MECOM: variants seen among roughly 807,000 people sequenced by gnomAD.
MECOM encodes the protein histone-lysine N-methyltransferase MECOM.
In MECOM, 13 loss-of-function variants were observed where a neutral mutation model predicts 116.3. The observed-to-expected ratio is 0.11, with a 90% confidence interval of 0.07 to 0.18. MECOM has a LOEUF of 0.18. Ranked by LOEUF, MECOM falls within the 10% of genes least tolerant of loss-of-function variation. The pLI is 1.00. For missense variants in MECOM, 1,299 were observed against 1,509.0 expected, an observed-to-expected ratio of 0.86 and a Z score of 2.31; for synonymous variants, 528 against 535.2, an observed-to-expected ratio of 0.99 and a Z score of 0.19.
At chr3:169,522,528 A>T (rs1420692301) in intron 1 of MECOM, among the ~76,000 whole-genome samples, 1 of 152,198 alleles carries the variant, frequency 6.6e-6, no homozygotes, top group African/African-American at 2.4e-5. Flanking sequence ...CTTAAGAGCC[A>T]ATGTATGATA....
At chr3:169,635,411 C>T (rs1318427350) in intron 1 of MECOM, among the ~76,000 whole-genome samples, 1 of 152,138 alleles carries the variant, frequency 6.6e-6, no homozygotes, top group Non-Finnish European at 1.5e-5. Flanking sequence ...TGTAGCATTC[C>T]AGGTTGGAAC....
intron 1 of MECOM, among the ~76,000 whole-genome samples, chr3:169,635,520 C>T (rs1434206161): frequency 6.6e-6 from 1 of 152,224 alleles, no homozygotes; most frequent in African/African-American, 2.4e-5. Flanking sequence ...ATTTCCTGGA[C>T]ATATCTCATA....
intron 2 of MECOM, among the ~76,000 whole-genome samples, chr3:169,343,023 T>C (rs1724800587): frequency 2.0e-5 from 3 of 152,124 alleles, no homozygotes; most frequent in African/African-American, 7.2e-5. Flanking sequence ...GAGATTACAA[T>C]GCTTGTCATA....
chr3:169,383,721 G>A (rs1334120709), intron 1 of MECOM, among the ~76,000 whole-genome samples: 1 of 152,162 alleles, frequency 6.6e-6, no homozygotes, highest in African/African-American at 2.4e-5. Flanking sequence ...AATCTCCAGT[G>A]TCTGCAGGTA....
At chr3:169,088,876 G>A (rs1248289523) in intron 16 of MECOM, 124 bp downstream of exon 16, 2 of 802,520 alleles carry the variant, frequency 2.5e-6, no homozygotes, top group Non-Finnish European at 3.6e-6. Context: ...TTTTAGAAAG[G>A]CATCTGACCC....
At chr3:169,532,664 A>G (rs979669265) in intron 1 of MECOM, among the ~76,000 whole-genome samples, 3 of 152,324 alleles carry the variant, frequency 2.0e-5, no homozygotes, top group East Asian at 1.9e-4. Context: ...GAAATCCAGC[A>G]TGAATCTAAT....
chr3:169,607,160 G>A (rs1211401396), intron 1 of MECOM, among the ~76,000 whole-genome samples: 1 of 152,224 alleles, frequency 6.6e-6, no homozygotes, highest in Admixed American at 6.5e-5. Flanking sequence ...CACACTTGAA[G>A]CTGTTAATAA....
intron 2 of MECOM, among the ~76,000 whole-genome samples, chr3:169,378,501 G>A (rs1458750496): frequency 1.8e-4 from 5 of 27,686 alleles, no homozygotes; most frequent in Middle Eastern, 0.016. Flanking sequence ...AAGAAAGAAA[G>A]AAAGAAAGAA....
chr3:169,145,009 GA>G (rs1258943464), intron 2 of MECOM: 2 of 1,560,228 alleles, frequency 1.3e-6, no homozygotes, highest in East Asian at 4.7e-5. Flanking sequence ...TATACTTCAA[GA>G]AAAACCCAGT....
intron 2 of MECOM, among the ~76,000 whole-genome samples, chr3:169,228,143 G>A (rs964309731): frequency 6.6e-6 from 1 of 152,178 alleles, no homozygotes; most frequent in Admixed American, 6.5e-5. Flanking sequence ...AGTTTCTGTG[G>A]TTTATACTGA....
rs924579561 is a variant in MECOM at position 169,410,101 on chromosome 3, A to G, written c.38-28577T>C. 7.9e-5 allele frequency among the ~76,000 whole-genome samples: 12 copies of G among 152,336 alleles called. 1 individual carries two copies. The highest frequency in any genetic ancestry group is 5.8e-4 in the East Asian group (3 of 5,190). On this transcript the variant is annotated intron_variant, in intron 1 of 16. Transcript: ENST00000651503. ...TTTTTCACGTTTATTTTCCATGCAC[A>G]TAAAGACACACCACTCTGCCATCAA... is the stretch of plus-strand genomic sequence containing the variant.
intron 5 of MECOM, among the ~76,000 whole-genome samples, chr3:169,125,637 C>CA (rs1478462237): frequency 6.6e-6 from 1 of 151,964 alleles, no homozygotes; most frequent in East Asian, 1.9e-4. Context: ...ATAAAAAGCA[C>CA]AAAAAAGCAA....
At chr3:169,443,945 C>G (rs1230041815) in intron 1 of MECOM, among the ~76,000 whole-genome samples, 1 of 152,204 alleles carries the variant, frequency 6.6e-6, no homozygotes, top group Admixed American at 6.5e-5. Flanking sequence ...CACATCAAAT[C>G]CCACTAAATA....
intron 2 of MECOM, among the ~76,000 whole-genome samples, chr3:169,148,746 C>T (rs1486812063): frequency 6.6e-6 from 1 of 151,908 alleles, no homozygotes; most frequent in Non-Finnish European, 1.5e-5. Context: ...ACGTGTAAAT[C>T]CAGTAGAACT....
chr3:169,268,674 G>A (rs1329033104), intron 2 of MECOM, among the ~76,000 whole-genome samples: 1 of 152,186 alleles, frequency 6.6e-6, no homozygotes, highest in Non-Finnish European at 1.5e-5. Context: ...GCACTCAACA[G>A]ATTTATGAAT....
intron 1 of MECOM, among the ~76,000 whole-genome samples, chr3:169,423,699 A>AC (rs1243802288): frequency 9.2e-5 from 14 of 151,998 alleles, no homozygotes; most frequent in African/African-American, 3.4e-4. Context: ...CCAAATATTA[A>AC]CTCCATCCCA....
rs562893677 is a variant in MECOM at position 169,090,140 on chromosome 3, T to A, written c.3261A>T (p.Leu1087Phe). 1.2e-6 allele frequency: 2 copies of A among 1,613,550 alleles called. No individual in the cohort carries two copies. Among genetic ancestry groups the A allele is most frequent in the South Asian group, 2.2e-5 (2 of 91,054 alleles). ...TATCATTGTCTTCATCCTCCTCATCTAACAACACCTCATCTTCAACTTCTT... is the reference window on the plus strand; with the variant it reads ...TATCATTGTCTTCATCCTCCTCATCAAACAACACCTCATCTTCAACTTCTT... ...DDEEVEDEVL[L>F]DEEDEDNDIT... Residue 1087 changes from leucine (L) to phenylalanine (F), a missense_variant, in exon 15 of 17, where the codon TTA becomes TTT. Physicochemically the swap from Leu to Phe is conservative, Grantham distance 22 (BLOSUM62 0). Coordinates refer to ENST00000651503, the MANE Select transcript of MECOM (RefSeq NM_004991.4).
intron 1 of MECOM, among the ~76,000 whole-genome samples, chr3:169,514,414 A>G (rs944885824): frequency 1.3e-5 from 2 of 152,160 alleles, no homozygotes; most frequent in Non-Finnish European, 2.9e-5. Flanking sequence ...GTCGGCGACT[A>G]AAAGGTTTTT....
chr3:169,617,378 G>A (rs1367972961), intron 1 of MECOM, among the ~76,000 whole-genome samples: 4 of 152,176 alleles, frequency 2.6e-5, no homozygotes, highest in South Asian at 2.1e-4. Context: ...AATCACCTGC[G>A]AATGTTGTTA....
Sources: gnomAD v4.1 joint callset for allele counts (sites outside exome capture counted in the v4.1 genomes callset) on GRCh38, gnomAD v4.1.1 for gene constraint, MANE v1.5 for transcripts, NCBI Gene and HGNC (gene_info 2026-07-23, HGNC 2026-07-21) for gene names.